Variants in ATP23 observed in about 807,000 individuals in gnomAD.
ATP23 encodes the protein ATP23 metallopeptidase and ATP synthase assembly factor homolog.
Under a neutral mutation model 28.5 loss-of-function variants are expected in ATP23, and 24 were observed. The ratio of observed to expected loss-of-function variants is 0.84; its 90% CI spans 0.61 to 1.18. ATP23 has a LOEUF of 1.18. Among genes scored for constraint, ATP23 ranks in the 50% most tolerant of loss-of-function variants. The pLI is 0.00. For missense variants in ATP23, 274 were observed against 306.4 expected (o/e 0.89, Z 0.79); for synonymous variants, 99 against 108.6 (o/e 0.91, Z 0.55).
intron 1 of ATP23, among the ~76,000 whole-genome samples, chr12:57,943,678 C>T (rs1451334809): frequency 7.0e-6 from 1 of 143,498 alleles, no homozygotes; most frequent in South Asian, 2.2e-4. Flanking sequence ...GAGACCCTGT[C>T]TAAAAAAAAA....
rs774962735 is a variant in ATP23 at position 57,956,794 on chromosome 12, C to T, written c.645C>T (p.Asp215=). ...AAGTTTTTGAATCTTGTTTCAATGA[C>T]CATGAACCTTTTGGAAGGATCCCAC... The part of the protein sequence containing the change: ...VDEVFESCFN[D]HEPFGRIPHN... Residue 215 remains aspartate, a synonymous_variant, in exon 6 of 6, where the codon GAC becomes GAT. Transcript: ENST00000300145. 4 of 1,613,900 alleles carry T rather than the reference C, an allele frequency of 2.5e-6. No homozygotes were observed. The highest frequency in any genetic ancestry group is 1.7e-4 in the Middle Eastern group (1 of 6,058).
Position 57,946,011 on chromosome 12 carries a change from G to A in ATP23, c.233+338G>A, listed in dbSNP as rs184431943. On this transcript the variant is annotated intron_variant, in intron 2 of 5. Coordinates refer to ENST00000300145, the MANE Select transcript of ATP23 (RefSeq NM_033276.4). ...CTCCCAAGTAGCTGGGTTTACAGGC[G>A]CACGCCACCATGCCCGGCTAATTTT... Among the ~76,000 whole-genome samples the A allele has an allele frequency of 1.2e-3, 183 of 151,750 alleles. 2 individuals are homozygous for A. The highest frequency in any genetic ancestry group is 6.8e-3 in the Middle Eastern group (2 of 294).
At position 57,958,484 on chromosome 12, in the gene ATP23, A is replaced by AC. The variant is rs1009435570; in HGVS notation, c.*1601dup. ...TAAGAACCCTCATGGAGTCCATTGCACCCCCCCTGCCACCTCCACTGGAAC... is the reference window on the plus strand; with the variant it reads ...TAAGAACCCTCATGGAGTCCATTGCACCCCCCCCTGCCACCTCCACTGGAAC... On this transcript the variant is annotated 3_prime_UTR_variant, in exon 6 of 6. Coordinates refer to ENST00000300145, the MANE Select transcript of ATP23 (RefSeq NM_033276.4). Among the ~76,000 whole-genome samples the AC allele has an allele frequency of 4.0e-5, 6 of 151,510 alleles. No individual in the cohort carries two copies. The highest frequency in any genetic ancestry group is 7.4e-5 in the Non-Finnish European group (5 of 67,890).
chr12:57,950,550 G>T (rs1378971873), intron 3 of ATP23, among the ~76,000 whole-genome samples: 1 of 150,028 alleles, frequency 6.7e-6, no homozygotes, highest in East Asian at 1.9e-4. Flanking sequence ...TTTGACACAG[G>T]GTCTCCCTTT....
intron 2 of ATP23, among the ~76,000 whole-genome samples, chr12:57,946,534 C>T (rs568131889): frequency 2.0e-5 from 3 of 150,082 alleles, no homozygotes; most frequent in African/African-American, 4.9e-5. Context: ...CTCGGCTCAC[C>T]GCAACCTCCG....
chr12:57,950,267 G>A (rs944605797), intron 3 of ATP23, among the ~76,000 whole-genome samples: 1 of 151,922 alleles, frequency 6.6e-6, no homozygotes, highest in Non-Finnish European at 1.5e-5. Flanking sequence ...TTGGCCCCCC[G>A]ACCTCACCAG....
At chr12:57,956,648 T>C (rs367599011) in intron 5 of ATP23, 39 bp from the exon 6 acceptor site, 215 of 1,402,510 alleles carry the variant, frequency 1.5e-4, no homozygotes, top group Admixed American at 3.9e-4. Context: ...ATTAAATGTT[T>C]ATATAAAATT....
At chr12:57,948,065 CTG>C (rs1035553258) in intron 3 of ATP23, among the ~76,000 whole-genome samples, 7 of 152,240 alleles carry the variant, frequency 4.6e-5, no homozygotes, top group African/African-American at 1.7e-4. Context: ...TGCTTATTAT[CTG>C]TGGGGCTTGG....
intron 1 of ATP23, 62 bp downstream of exon 1, chr12:57,941,950 GA>G: frequency 6.3e-7 from 1 of 1,583,522 alleles, no homozygotes; most frequent in Non-Finnish European, 8.6e-7. Flanking sequence ...GGTGGGCGAG[GA>G]AGGGCCTGGG....
intron 1 of ATP23, among the ~76,000 whole-genome samples, chr12:57,943,023 C>T (rs1477568800): frequency 6.6e-6 from 1 of 152,148 alleles, no homozygotes; most frequent in African/African-American, 2.4e-5. Context: ...AAAAGTCAAC[C>T]ACCGAAAGAT....
chr12:57,951,641 A>C, intron 3 of ATP23, 117 bp from the exon 4 acceptor site: 6 of 1,113,588 alleles, frequency 5.4e-6, no homozygotes, highest in South Asian at 2.8e-5. Flanking sequence ...GAGTGGGTAG[A>C]GATATTCCAG....
chr12:57,954,642 C>T (rs6581163), intron 5 of ATP23, among the ~76,000 whole-genome samples: 21,262 of 152,180 alleles, frequency 0.14, 2,713 homozygotes, highest in African/African-American at 0.34. Flanking sequence ...GCAGTTCTGC[C>T]TGGGCCTGTG....
intron 3 of ATP23, among the ~76,000 whole-genome samples, chr12:57,947,867 A>T (rs1956777387): frequency 6.6e-6 from 1 of 152,214 alleles, no homozygotes; most frequent in South Asian, 2.1e-4. Flanking sequence ...ATGGTGTTAT[A>T]AGTAACTGTT....
intron 4 of ATP23, among the ~76,000 whole-genome samples, chr12:57,953,069 A>T (rs1218611901): frequency 1.3e-5 from 2 of 152,184 alleles, no homozygotes; most frequent in African/African-American, 4.8e-5. Flanking sequence ...CCCTAGAGGA[A>T]GGTCATGAAC....
rs138757740 is a variant in ATP23, at chr12:57,943,137, T to G, written c.187+1249T>G. 7.4e-4 allele frequency among the ~76,000 whole-genome samples: 113 copies of G among 152,292 alleles called. No homozygotes were observed. In the East Asian group the frequency reaches 0.018, roughly 24 times the overall value. On this transcript the variant is annotated intron_variant, in intron 1 of 5. Transcript: ENST00000300145. Reference sequence around the variant, plus strand: ...GAGAGAATGATGATATTGTATTTACTGTACAAATATGTATTGAGTGCCTCC... The same window carrying G: ...GAGAGAATGATGATATTGTATTTACGGTACAAATATGTATTGAGTGCCTCC...
chr12:57,946,780 C>T (rs530595980), intron 2 of ATP23, among the ~76,000 whole-genome samples: 2 of 152,196 alleles, frequency 1.3e-5, no homozygotes, highest in Admixed American at 1.3e-4. Flanking sequence ...GGAATCATAT[C>T]TATAGAATTT....
At chr12:57,952,208 TAAAA>T (rs745354801) in intron 4 of ATP23, among the ~76,000 whole-genome samples, 1 of 152,034 alleles carries the variant, frequency 6.6e-6, no homozygotes, top group Non-Finnish European at 1.5e-5. Flanking sequence ...AAAATAAAAA[TAAAA>T]AAATAATTAA....
intron 2 of ATP23, among the ~76,000 whole-genome samples, chr12:57,946,425 T>C (rs1009657050): frequency 1.3e-5 from 2 of 151,354 alleles, no homozygotes; most frequent in Admixed American, 6.6e-5. Flanking sequence ...ACTTGCAATA[T>C]GGCCATAATC....
At chr12:57,951,997 C>A in intron 4 of ATP23, 102 bp downstream of exon 4, 1 of 1,442,276 alleles carries the variant, frequency 6.9e-7, no homozygotes, top group Non-Finnish European at 9.4e-7. Flanking sequence ...CATAGTTCTA[C>A]CTTAGTCTTG....
Sources: gnomAD v4.1 joint callset for allele counts (sites outside exome capture counted in the v4.1 genomes callset) on GRCh38, gnomAD v4.1.1 for gene constraint, MANE v1.5 for transcripts, NCBI Gene and HGNC (gene_info 2026-07-23, HGNC 2026-07-21) for gene names.